ANKK1: variants seen among roughly 807,000 people sequenced by gnomAD.
ANKK1 encodes ankyrin repeat and protein kinase domain-containing protein 1.
In ANKK1, 37 loss-of-function variants were observed where a neutral mutation model predicts 37.6. The ratio of observed to expected loss-of-function variants is 0.98; its 90% CI spans 0.76 to 1.29. The LOEUF is 1.29. ANKK1 is among the 50% of genes most tolerant of loss of function. ANKK1 has a pLI of 0.00. For missense variants in ANKK1, 1,019 were observed against 990.6 expected (o/e 1.03, Z -0.39); for synonymous variants, 415 against 418.7 (o/e 0.99, Z 0.11).
rs1408832176 is a variant in ANKK1 at position 113,399,947 on chromosome 11, T to G, written c.1978T>G (p.Trp660Gly). The G allele has an allele frequency of 6.2e-7, 1 of 1,613,638 alleles. No homozygotes were observed. Among genetic ancestry groups the G allele is most frequent in the Non-Finnish European group, 8.5e-7 (1 of 1,179,900 alleles). Residue 660 changes from tryptophan to glycine, a missense_variant, in exon 8 of 8, where the codon TGG becomes GGG. Transcript: ENST00000303941. Reference protein sequence around the residue: ...ADPNAAEQSGWTPLHLAVQRS... With the variant: ...ADPNAAEQSGGTPLHLAVQRS... ...CCCCAATGCTGCAGAGCAGTCAGGC[T>G]GGACACCCCTCCACCTGGCGGTCCA...
At position 113,397,300 on chromosome 11, in the gene ANKK1, C is replaced by T; in HGVS notation, c.915C>T (p.Ala305=). The T allele has an allele frequency of 1.2e-6, 2 of 1,612,866 alleles. No homozygotes were observed. Among genetic ancestry groups the T allele is most frequent in the Non-Finnish European group, 1.7e-6 (2 of 1,179,852 alleles). Residue 305 remains alanine, a synonymous_variant, in exon 6 of 8, where the codon GCC becomes GCT. Transcript: ENST00000303941. ...CAGTCCCAGAGAGCAAGGCCCTGGC[C>T]AGGAAGGTGTCCTGCAAGCTGTCGC... ...RVAVPESKAL[A]RKVSCKLSLR...
intron 3 of ANKK1, 59 bp from the exon 4 acceptor site, chr11:113,395,300 G>A (rs1208826689): frequency 1.3e-6 from 2 of 1,599,692 alleles, no homozygotes; most frequent in Admixed American, 1.7e-5. Flanking sequence ...GCCACCCCGG[G>A]CTGGGGTGAT....
rs776925300 is a variant in ANKK1 at position 113,400,223 on chromosome 11, G to A, written c.2254G>A (p.Ala752Thr). ...SFLEGKEPSV[A>T]TLGGSKPGAE... ...CCTAGAGGGCAAGGAGCCGTCAGTG[G>A]CCACTCTGGGTGGTTCTAAGCCAGG... The change falls in exon 8 of 8, where the codon GCC (alanine) becomes ACC (threonine). Residue 752 changes from alanine (A) to threonine (T), a missense_variant. By Grantham distance (58) the Ala-to-Thr change is moderately conservative. Coordinates refer to ENST00000303941, the MANE Select transcript of ANKK1 (RefSeq NM_178510.2). 84 of 1,551,486 alleles carry A rather than the reference G, an allele frequency of 5.4e-5. 2 individuals are homozygous for A. The South Asian group carries it at 9.5e-4, about 18-fold the overall frequency.
chr11:113,398,822 A>G (rs1316894747), intron 7 of ANKK1, 142 bp from the exon 8 acceptor site: 1 of 724,152 alleles, frequency 1.4e-6, no homozygotes, highest in Non-Finnish European at 2.2e-6. Context: ...GGCTGTGTAG[A>G]GAGCCATGCT....
rs758859054 is a variant in ANKK1 at position 113,393,556 on chromosome 11, C to T, written c.261C>T (p.Tyr87=). 49 of 1,614,006 alleles carry T rather than the reference C, an allele frequency of 3.0e-5. No individual in the cohort carries two copies. The highest frequency in any genetic ancestry group is 8.0e-5 in the African/African-American group (6 of 75,042). Residue 87 remains tyrosine, a synonymous_variant, in exon 2 of 8, where the codon TAC becomes TAT. Transcript: ENST00000303941. ...AGTTTCAGCACATCGTGTCTATCTA[C>T]GGGGTGTGCAAGCAGCCCCTGGGTA... ...KIKFQHIVSI[Y]GVCKQPLGIV... is the part of the protein sequence containing the mutation.
At chr11:113,392,296 A>C (rs1950593578) in intron 1 of ANKK1, among the ~76,000 whole-genome samples, 1 of 152,250 alleles carries the variant, frequency 6.6e-6, no homozygotes, top group South Asian at 2.1e-4. Flanking sequence ...ATGCCATGGC[A>C]GATGTCATTG....
intron 7 of ANKK1, among the ~76,000 whole-genome samples, chr11:113,398,314 T>TA (rs10585601): frequency 0.02 from 2,623 of 128,150 alleles, 34 homozygotes; most frequent in Middle Eastern, 0.038. Flanking sequence ...CTCGGGAAAT[T>TA]AAAAAAAAAA....
rs1195660144 is a variant in ANKK1 at position 113,399,519 on chromosome 11, G to A, written c.1550G>A (p.Gly517Glu). 2 of 1,594,824 alleles carry A rather than the reference G, an allele frequency of 1.3e-6. No homozygotes were observed. Among genetic ancestry groups the A allele is most frequent in the Non-Finnish European group, 1.7e-6 (2 of 1,171,124 alleles). The change falls in exon 8 of 8, where the codon GGG (glycine) becomes GAG (glutamate). Residue 517 changes from glycine (G) to glutamate (E), a missense_variant. By Grantham distance (98) the Gly-to-Glu change is moderately conservative. Coordinates refer to ENST00000303941, the MANE Select transcript of ANKK1 (RefSeq NM_178510.2). Reference protein sequence around the residue: ...VSLVKLLTSQGAELDAQQRNL... With the variant: ...VSLVKLLTSQEAELDAQQRNL... The stretch of plus-strand genomic sequence containing the variant: ...CTGGTCAAGCTGCTGACCAGCCAGG[G>A]GGCTGAGTTGGATGCTCAGCAGAGA...
In ANKK1 at chr11:113,397,989, G is replaced by T. The variant is rs1219361557; in HGVS notation, c.967G>T (p.Asp323Tyr). ...SLRQPGEVNEDISQELMDSDS... is the reference protein window; with the variant it reads ...SLRQPGEVNEYISQELMDSDS... ...GGTTATGCCTCCCCAGGTTAATGAG[G>T]ACATCAGCCAGGAACTGATGGACAG... The change falls in exon 7 of 8, where the codon GAC becomes TAC. Residue 323 changes from aspartate to tyrosine, a missense_variant. Transcript: ENST00000303941. 1.9e-6 allele frequency: 3 copies of T among 1,562,930 alleles called. No homozygotes were observed. Among genetic ancestry groups the T allele is most frequent in the African/African-American group, 2.7e-5 (2 of 73,644 alleles).
chr11:113,391,674 A>G (rs144613657), intron 1 of ANKK1, among the ~76,000 whole-genome samples: 2 of 152,294 alleles, frequency 1.3e-5, no homozygotes, highest in East Asian at 3.9e-4. Flanking sequence ...ATGAAAACTA[A>G]AGGAAGAGCA....
intron 1 of ANKK1, among the ~76,000 whole-genome samples, chr11:113,390,559 A>T (rs893182220): frequency 6.6e-6 from 1 of 152,108 alleles, no homozygotes; most frequent in Non-Finnish European, 1.5e-5. Context: ...ATATGGTGAA[A>T]CTCCATCTCT....
rs1450833213 is a variant in ANKK1, at chr11:113,396,220, T to C, written c.836T>C (p.Leu279Pro). The C allele has an allele frequency of 6.2e-7, 1 of 1,613,680 alleles. No individual in the cohort carries two copies. ...DQDPKKRPCF[L>P]DITIETDILL... ...GACCCCAAGAAGAGGCCATGCTTTC[T>C]AGGTGCTTATCCAGTGCCCCCTACC... is the stretch of plus-strand genomic sequence containing the variant. The change falls in exon 5 of 8, where the codon CTA becomes CCA. Residue 279 changes from leucine (L) to proline (P), a missense_variant and splice_region_variant. Leu to Pro is a moderately conservative substitution (Grantham distance 98, BLOSUM62 -3). Transcript: ENST00000303941.
At chr11:113,397,843 A>G in intron 6 of ANKK1, 137 bp from the exon 7 acceptor site, 1 of 965,864 alleles carries the variant, frequency 1.0e-6, no homozygotes, top group Non-Finnish European at 1.6e-6. Flanking sequence ...GGCAAAGGAT[A>G]AAGGTTTCCC....
chr11:113,394,907 C>T (rs764581391), intron 2 of ANKK1, 22 bp from the exon 3 acceptor site: 2 of 1,602,908 alleles, frequency 1.2e-6, no homozygotes, highest in East Asian at 4.5e-5. Flanking sequence ...ACGGCTTTAT[C>T]TCTGCCCCTG....
intron 5 of ANKK1, among the ~76,000 whole-genome samples, chr11:113,396,868 T>C (rs943909942): frequency 1.3e-5 from 2 of 152,220 alleles, no homozygotes; most frequent in African/African-American, 4.8e-5. Context: ...TACTGTTTCC[T>C]CATTTGTAAA....
chr11:113,397,966 T>G lies in ANKK1; in HGVS notation c.958-14T>G, dbSNP rs572330453. 1 of 1,557,454 alleles carries G rather than the reference T, an allele frequency of 6.4e-7. No individual in the cohort carries two copies. The highest frequency in any genetic ancestry group is 2.4e-5 in the East Asian group (1 of 41,386). On this transcript the variant is annotated splice_polypyrimidine_tract_variant and intron_variant, in intron 6 of 7. Transcript: ENST00000303941. ...CACTGATCTCCACCCTGCCTGCTGG[T>G]TATGCCTCCCCAGGTTAATGAGGAC...
At chr11:113,395,536 T>C (rs1950631127) in intron 4 of ANKK1, 128 bp downstream of exon 4, 1 of 956,680 alleles carries the variant, frequency 1.0e-6, no homozygotes, top group Admixed American at 2.1e-5. Context: ...CTGTATTCTC[T>C]TCAGGGATTC....
In ANKK1 at chr11:113,388,040, C is replaced by G. The variant is rs111789052; in HGVS notation, c.156C>G (p.Cys52Trp). ...GGCGGACGGAGTACGCCATCAAGTG[C>G]GCCCCCTGCCTTCCACCCGACGCCG... The part of the protein sequence containing the change: ...RRWRTEYAIK[C>W]APCLPPDAAS... The change falls in exon 1 of 8, where the codon TGC becomes TGG. Residue 52 changes from cysteine to tryptophan, a missense_variant. Coordinates refer to ENST00000303941, the MANE Select transcript of ANKK1 (RefSeq NM_178510.2). 3.7e-3 allele frequency: 5,686 copies of G among 1,530,822 alleles called. 183 individuals carry two copies. The African/African-American group carries it at 0.068, about 18-fold the overall frequency. The allele number at this position is 1,530,822 out of a possible 1,614,324, so 94.8% of individuals were successfully genotyped here.
chr11:113,396,238 C>T lies in ANKK1; in HGVS notation c.838+16C>T. On this transcript the variant is annotated intron_variant, in intron 5 of 7. Transcript: ENST00000303941. Reference sequence around the variant, plus strand: ...TGCTTTCTAGGTGCTTATCCAGTGCCCCCTACCCAGGGACTGGGAGCTGGG... The same window carrying T: ...TGCTTTCTAGGTGCTTATCCAGTGCTCCCTACCCAGGGACTGGGAGCTGGG... 6.2e-7 allele frequency: 1 copy of T among 1,612,144 alleles called. No homozygotes were observed. The highest frequency in any genetic ancestry group is 8.5e-7 in the Non-Finnish European group (1 of 1,178,534).
Sources: gnomAD v4.1 joint callset for allele counts (sites outside exome capture counted in the v4.1 genomes callset) on GRCh38, gnomAD v4.1.1 for gene constraint, MANE v1.5 for transcripts, NCBI Gene and HGNC (gene_info 2026-07-23, HGNC 2026-07-21) for gene names.